Variants in RFFL observed in about 807,000 individuals in gnomAD.
RFFL encodes the protein ring finger and FYVE like domain containing E3 ubiquitin protein ligase.
RFFL carries 16 observed loss-of-function variants against 40.4 expected under a neutral mutation model. The ratio of observed to expected loss-of-function variants is 0.40; its 90% CI spans 0.27 to 0.60. The LOEUF is 0.60. RFFL is among the 20% of genes least tolerant of loss of function. The pLI, the probability that RFFL is intolerant of heterozygous loss-of-function variation, is 0.47. For missense variants in RFFL, 367 were observed against 451.7 expected (o/e 0.81, Z 1.70); for synonymous variants, 154 against 167.9 (o/e 0.92, Z 0.64).
intron 1 of RFFL, among the ~76,000 whole-genome samples, chr17:35,058,652 T>A (rs924806238): frequency 6.6e-6 from 1 of 151,966 alleles, no homozygotes; most frequent in African/African-American, 2.4e-5. Flanking sequence ...GCAACTGTAA[T>A]CCCAGCTACT....
At position 35,023,612 on chromosome 17, in the gene RFFL, AT is replaced by A. The variant is rs540516542; in HGVS notation, c.181-1832del. On this transcript the variant is annotated intron_variant, in intron 2 of 6. Transcript: ENST00000394597. ...TATTGGGAAATGAAGTCTGTTTAGGATGACTGAGACTGAAACAAAGAGGCTT... is the reference window on the plus strand; with the variant it reads ...TATTGGGAAATGAAGTCTGTTTAGGAGACTGAGACTGAAACAAAGAGGCTT... Among the ~76,000 whole-genome samples the A allele has an allele frequency of 3.6e-3, 548 of 152,374 alleles. 3 individuals carry two copies. Among genetic ancestry groups the A allele is most frequent in the Middle Eastern group, 0.017 (5 of 294 alleles).
In RFFL at chr17:35,063,591, T is replaced by G. The variant is rs2091306313; in HGVS notation, c.-24A>C. On this transcript the variant is annotated 5_prime_UTR_variant, in exon 1 of 7. An upstream open reading frame in the 5' UTR loses its in-frame stop. Coordinates refer to ENST00000394597, the MANE Select transcript of RFFL (RefSeq NM_001017368.2). ...TTGAGGTTACCTGATTTTGCCAGTT[T>G]CAAAACATTGCCACGACAGAAAGCA... is the stretch of plus-strand genomic sequence containing the variant. 1 of 151,580 alleles carries G rather than the reference T, an allele frequency of 6.6e-6. No individual in the cohort carries two copies. The highest frequency in any genetic ancestry group is 1.5e-5 in the Non-Finnish European group (1 of 67,958). 9.4% of individuals were successfully genotyped at this position (151,580 alleles called of 1,614,324 possible).
chr17:35,063,404 G>T (rs1175675763), intron 1 of RFFL, among the ~76,000 whole-genome samples, 172 bp downstream of exon 1: 1 of 121,792 alleles, frequency 8.2e-6, no homozygotes, highest in Non-Finnish European at 1.6e-5. Flanking sequence ...GCAGTGAGCC[G>T]AGATCACACC....
Position 35,010,541 on chromosome 17 carries a change from CAA to C in RFFL, c.*1425_*1426del, listed in dbSNP as rs1390712888. ...AGCTGAGGCGGGCGGATCATAAGGT[CAA>C]GAGTTCAAGACCAGCCTGGTGAACA... is the stretch of plus-strand genomic sequence containing the variant. On this transcript the variant is annotated 3_prime_UTR_variant, in exon 7 of 7. Transcript: ENST00000394597. 6.6e-6 allele frequency: 1 copy of C among 152,126 alleles called. No individual in the cohort carries two copies. The highest frequency in any genetic ancestry group is 6.6e-5 in the Admixed American group (1 of 15,264). The allele number at this position is 152,126 out of a possible 1,614,324, so 9.4% of individuals were successfully genotyped here.
chr17:35,046,084 T>G (rs1419622987), intron 1 of RFFL, among the ~76,000 whole-genome samples: 4 of 147,804 alleles, frequency 2.7e-5, no homozygotes, highest in Admixed American at 1.3e-4. Flanking sequence ...GATCAGTAAA[T>G]TAAGGATTTT....
chr17:35,051,456 G>T (rs2091231270), intron 1 of RFFL, among the ~76,000 whole-genome samples: 5 of 152,106 alleles, frequency 3.3e-5, no homozygotes, highest in Admixed American at 3.3e-4. Flanking sequence ...TTTCATATCT[G>T]CTGCCAACTG....
At chr17:35,012,244 A>T in intron 6 of RFFL, 95 bp from the exon 7 acceptor site, 1 of 1,038,312 alleles carries the variant, frequency 9.6e-7, no homozygotes, top group Non-Finnish European at 1.4e-6. Context: ...GTGGGAGATA[A>T]CAGGTACATT....
At chr17:35,026,249 G>T in intron 2 of RFFL, 125 bp downstream of exon 2, 1 of 908,962 alleles carries the variant, frequency 1.1e-6, no homozygotes, top group Non-Finnish European at 1.6e-6. Context: ...TTGTGAAAGG[G>T]ACAGCTCTGG....
At chr17:35,075,414 T>C (rs1427199077) in intron 1 of RFFL, among the ~76,000 whole-genome samples, 1 of 152,216 alleles carries the variant, frequency 6.6e-6, no homozygotes, top group Non-Finnish European at 1.5e-5. Context: ...AAACAAATTG[T>C]TTCCAAAAGT....
upstream of RFFL, among the ~76,000 whole-genome samples, chr17:35,068,655 A>G (rs1028144428): frequency 3.9e-5 from 6 of 152,212 alleles, no homozygotes; most frequent in African/African-American, 1.4e-4. Context: ...AAGGTATCCA[A>G]TATCAAGAGG....
At chr17:35,082,603 T>C (rs1291416799) in intron 1 of RFFL, among the ~76,000 whole-genome samples, 1 of 152,234 alleles carries the variant, frequency 6.6e-6, no homozygotes, top group African/African-American at 2.4e-5. Context: ...AAGAGCTGAC[T>C]GAATAGATAT....
intron 1 of RFFL, among the ~76,000 whole-genome samples, chr17:35,082,835 G>T (rs772498587): frequency 7.9e-5 from 12 of 152,186 alleles, no homozygotes; most frequent in Non-Finnish European, 1.2e-4. Context: ...AAAAACTGAA[G>T]CTCACAGAGG....
chr17:35,059,217 C>T (rs1476240166), intron 1 of RFFL, among the ~76,000 whole-genome samples: 1 of 151,888 alleles, frequency 6.6e-6, no homozygotes, highest in Non-Finnish European at 1.5e-5. Context: ...CGGGGTTTCA[C>T]CATGTTGGTC....
Position 35,021,646 on chromosome 17 carries a change from C to T in RFFL, c.316G>A (p.Val106Met), listed in dbSNP as rs2091009491. The T allele has an allele frequency of 1.9e-6, 3 of 1,614,118 alleles. No individual in the cohort carries two copies. The highest frequency in any genetic ancestry group is 2.5e-6 in the Non-Finnish European group (3 of 1,180,054). Residue 106 changes from valine (V) to methionine (M), a missense_variant, in exon 3 of 7, where the codon GTG becomes ATG. Val to Met is a conservative substitution (Grantham distance 21, BLOSUM62 1). Coordinates refer to ENST00000394597, the MANE Select transcript of RFFL (RefSeq NM_001017368.2). ...FQREELMKMK[V>M]KDLRDYLSLH... ...CTGAGATAGTCCCTCAAGTCCTTCA[C>T]CTTCATCTTCATGAGCTCCTCTCGC...
intron 1 of RFFL, among the ~76,000 whole-genome samples, chr17:35,078,731 A>G (rs2091389242): frequency 6.6e-6 from 1 of 152,196 alleles, no homozygotes; most frequent in Admixed American, 6.5e-5. Flanking sequence ...ACTTATCCCA[A>G]CACTTTGGGA....
chr17:35,032,114 AAAAG>A (rs1306811330), intron 1 of RFFL, among the ~76,000 whole-genome samples: 4 of 151,808 alleles, frequency 2.6e-5, no homozygotes, highest in Non-Finnish European at 5.9e-5. Context: ...AAAAAAAAGA[AAAAG>A]AAACTACAAA....
chr17:35,045,183 C>T (rs1298054059), intron 1 of RFFL, among the ~76,000 whole-genome samples: 1 of 152,048 alleles, frequency 6.6e-6, no homozygotes, highest in Non-Finnish European at 1.5e-5. Context: ...GGGGAAAGAG[C>T]ATTCTAGCAG....
At chr17:35,039,504 C>T (rs1187033262) in intron 1 of RFFL, among the ~76,000 whole-genome samples, 1 of 152,096 alleles carries the variant, frequency 6.6e-6, no homozygotes, top group African/African-American at 2.4e-5. Flanking sequence ...AGGCATGAGC[C>T]ACAACGCCCA....
chr17:35,072,237 C>T (rs181960808), intron 1 of RFFL, among the ~76,000 whole-genome samples: 169 of 149,616 alleles, frequency 1.1e-3, no homozygotes, highest in Admixed American at 4.0e-3. Flanking sequence ...GCTGAGATTG[C>T]GCCACTGCAC....
Sources: allele counts gnomAD v4.1 joint callset (sites outside exome capture counted in the v4.1 genomes callset), GRCh38; gene constraint gnomAD v4.1.1; transcripts MANE v1.5; gene names NCBI Gene and HGNC (gene_info 2026-07-23, HGNC 2026-07-21).